Variants in PRKN observed in about 807,000 individuals in gnomAD.
The protein encoded by PRKN is parkin RBR E3 ubiquitin protein ligase, also known as E3 ubiquitin-protein ligase parkin.
PRKN carries 56 observed loss-of-function variants against 59.5 expected under a neutral mutation model. The observed-to-expected ratio is 0.94, with a 90% CI of 0.76 to 1.18. The LOEUF is 1.18. PRKN is among the 50% of genes most tolerant of loss of function. The pLI is 0.00. For synonymous variants in PRKN, 250 were observed against 222.1 expected (o/e 1.13, Z -1.12); for missense variants, 657 against 596.4 (o/e 1.10, Z -1.06).
At chr6:162,300,394 A>C (rs1562651879) in intron 2 of PRKN, among the ~76,000 whole-genome samples, 1 of 152,162 alleles carries the variant, frequency 6.6e-6, no homozygotes, top group Non-Finnish European at 1.5e-5. Flanking sequence ...ATGCCAGTTA[A>C]ATATCTTTGG....
chr6:162,054,044 T>C, intron 5 of PRKN, 47 bp downstream of exon 5: 2 of 1,178,310 alleles, frequency 1.7e-6, no homozygotes, highest in South Asian at 2.4e-5. Flanking sequence ...AGTGAAGATG[T>C]CATCATTTTC....
intron 4 of PRKN, among the ~76,000 whole-genome samples, chr6:162,196,576 T>C (rs1009673115): frequency 6.6e-6 from 1 of 152,168 alleles, no homozygotes; most frequent in Non-Finnish European, 1.5e-5. Context: ...AGGATTATAG[T>C]CTAGTCCAAA....
chr6:162,423,667 A>C (rs1374854375), intron 2 of PRKN, among the ~76,000 whole-genome samples: 3 of 152,148 alleles, frequency 2.0e-5, no homozygotes, highest in Non-Finnish European at 4.4e-5. Flanking sequence ...TTAGAGGTGA[A>C]TTTCTAATTC....
intron 2 of PRKN, among the ~76,000 whole-genome samples, chr6:162,327,490 T>C (rs1360437694): frequency 6.6e-6 from 1 of 152,084 alleles, no homozygotes; most frequent in Non-Finnish European, 1.5e-5. Flanking sequence ...ACAGTTTCAA[T>C]GTTAGGTTTT....
At chr6:161,598,411 G>A (rs1313090161) in intron 7 of PRKN, among the ~76,000 whole-genome samples, 2 of 152,112 alleles carry the variant, frequency 1.3e-5, no homozygotes, top group Non-Finnish European at 2.9e-5. Flanking sequence ...GAAAAGACCT[G>A]TAAATGAAAG....
At chr6:162,577,143 T>C (rs536668824) in intron 1 of PRKN, among the ~76,000 whole-genome samples, 13 of 152,230 alleles carry the variant, frequency 8.5e-5, no homozygotes, top group African/African-American at 3.1e-4. Flanking sequence ...AAGAGAGTTA[T>C]ATCTTCAATC....
At chr6:161,636,912 G>T (rs781115864) in intron 7 of PRKN, among the ~76,000 whole-genome samples, 1 of 152,070 alleles carries the variant, frequency 6.6e-6, no homozygotes, top group Admixed American at 6.6e-5. Context: ...CTGCCTGAGC[G>T]CTCAGGTCTG....
intron 4 of PRKN, among the ~76,000 whole-genome samples, chr6:162,106,899 G>C (rs1313546215): frequency 6.6e-6 from 1 of 152,178 alleles, no homozygotes; most frequent in African/African-American, 2.4e-5. Context: ...TAGTCTTGCT[G>C]CCCAGCCCTC....
intron 6 of PRKN, among the ~76,000 whole-genome samples, chr6:161,823,628 T>TG (rs1792125924): frequency 6.6e-6 from 1 of 152,198 alleles, no homozygotes. Flanking sequence ...GAGAAAATAA[T>TG]CTCAAAATCT....
intron 7 of PRKN, among the ~76,000 whole-genome samples, chr6:161,625,504 T>C (rs1300635977): frequency 6.6e-6 from 1 of 152,172 alleles, no homozygotes; most frequent in Non-Finnish European, 1.5e-5. Context: ...ATGGCACATG[T>C]ACACCTATGT....
At chr6:161,767,760 T>TG (rs1304101743) in intron 7 of PRKN, among the ~76,000 whole-genome samples, 10 of 48,694 alleles carry the variant, frequency 2.1e-4, no homozygotes. Context: ...CTGTCCTGGC[T>TG]GGGGGTGGGG....
chr6:162,150,005 CCCAA>C (rs1782198506), intron 4 of PRKN, among the ~76,000 whole-genome samples: 1 of 152,096 alleles, frequency 6.6e-6, no homozygotes, highest in African/African-American at 2.4e-5. Flanking sequence ...CCTCTAAATC[CCCAA>C]CCTAGAGCAC....
At chr6:162,010,206 T>C (rs1583474809) in intron 5 of PRKN, among the ~76,000 whole-genome samples, 1 of 137,966 alleles carries the variant, frequency 7.2e-6, no homozygotes, top group South Asian at 2.1e-4. Context: ...ATTTCTGATA[T>C]ATATATTATA....
At chr6:161,599,740 CAT>C (rs1782041700) in intron 7 of PRKN, among the ~76,000 whole-genome samples, 1 of 152,214 alleles carries the variant, frequency 6.6e-6, no homozygotes, top group South Asian at 2.1e-4. Flanking sequence ...GATGGGGTAA[CAT>C]AATGATCTCT....
intron 1 of PRKN, among the ~76,000 whole-genome samples, chr6:162,635,376 T>A (rs1309220869): frequency 6.6e-6 from 1 of 152,194 alleles, no homozygotes; most frequent in Admixed American, 6.5e-5. Context: ...ATCAGTGCAA[T>A]GAAATGTTTG....
At chr6:162,478,562 T>A (rs1233041925) in intron 1 of PRKN, among the ~76,000 whole-genome samples, 2 of 152,172 alleles carry the variant, frequency 1.3e-5, no homozygotes, top group Admixed American at 1.3e-4. Flanking sequence ...GTCTGTGACC[T>A]CCTGAGTAAC....
At chr6:161,823,202 A>G (rs1000467424) in intron 6 of PRKN, among the ~76,000 whole-genome samples, 1 of 150,742 alleles carries the variant, frequency 6.6e-6, no homozygotes, top group African/African-American at 2.4e-5. Flanking sequence ...CCCCCAAAGT[A>G]TTGGGATTGC....
At chr6:161,942,367 C>T (rs1303121678) in intron 6 of PRKN, among the ~76,000 whole-genome samples, 2 of 151,962 alleles carry the variant, frequency 1.3e-5, no homozygotes, top group African/African-American at 4.8e-5. Flanking sequence ...CCTGTCTTTA[C>T]TAAAAATACA....
chr6:162,310,422 TGCAGGGTCAGGA>T (rs1229756031), intron 2 of PRKN, among the ~76,000 whole-genome samples: 2 of 151,990 alleles, frequency 1.3e-5, no homozygotes, highest in African/African-American at 4.8e-5. Context: ...GGATGCCAGA[TGCAGGGTCAGGA>T]GCTGAGGAAA....
Sources: allele counts gnomAD v4.1 joint callset (sites outside exome capture counted in the v4.1 genomes callset), GRCh38; gene constraint gnomAD v4.1.1; transcripts MANE v1.5; gene names NCBI Gene and HGNC (gene_info 2026-07-23, HGNC 2026-07-21).